Variants in CDADC1 observed in about 807,000 individuals in gnomAD.
CDADC1 encodes dCTP deaminase.
CDADC1 carries 39 observed loss-of-function variants against 54.9 expected under a neutral mutation model. That is an observed-to-expected ratio of 0.71 (90% CI 0.55 to 0.93). The LOEUF is 0.93. Among genes scored for constraint, CDADC1 ranks in the 40% least tolerant of loss-of-function variants. The pLI is 0.00. For synonymous variants in CDADC1, 186 were observed against 204.0 expected (o/e 0.91, Z 0.75); for missense variants, 518 against 618.8 (o/e 0.84, Z 1.73).
At chr13:49,250,886 C>T (rs1266778143) in intron 2 of CDADC1, among the ~76,000 whole-genome samples, 1 of 152,180 alleles carries the variant, frequency 6.6e-6, no homozygotes, top group African/African-American at 2.4e-5. Flanking sequence ...CTCATCCCCC[C>T]ACTCTGGCTC....
At chr13:49,276,164 A>T (rs1258932952) in intron 6 of CDADC1, among the ~76,000 whole-genome samples, 1 of 152,218 alleles carries the variant, frequency 6.6e-6, no homozygotes, top group Non-Finnish European at 1.5e-5. Context: ...TTCTGCATTT[A>T]AAAAATATTA....
chr13:49,283,666 CAGA>C (rs1235348210), intron 8 of CDADC1, among the ~76,000 whole-genome samples: 2 of 152,012 alleles, frequency 1.3e-5, no homozygotes, highest in African/African-American at 2.4e-5. Context: ...GCAAGAGAAG[CAGA>C]AGGAGGCAGG....
chr13:49,255,936 A>G (rs1457374146), intron 3 of CDADC1, 23 bp downstream of exon 3: 10 of 1,602,264 alleles, frequency 6.2e-6, no homozygotes, highest in Non-Finnish European at 8.5e-6. Context: ...GATTTCACAT[A>G]TATATGCTCA....
intron 4 of CDADC1, among the ~76,000 whole-genome samples, chr13:49,264,014 G>A (rs905708543): frequency 8.5e-5 from 13 of 152,100 alleles, no homozygotes; most frequent in Admixed American, 1.3e-4. Flanking sequence ...TTCTTATAAG[G>A]TCAACCACCT....
At chr13:49,283,531 A>C (rs989210881) in intron 8 of CDADC1, among the ~76,000 whole-genome samples, 2 of 152,210 alleles carry the variant, frequency 1.3e-5, no homozygotes, top group Non-Finnish European at 2.9e-5. Flanking sequence ...AAGTGACTTA[A>C]TCATAAAGAT....
At chr13:49,250,920 A>T (rs985853795) in intron 2 of CDADC1, among the ~76,000 whole-genome samples, 1 of 152,114 alleles carries the variant, frequency 6.6e-6, no homozygotes, top group Non-Finnish European at 1.5e-5. Flanking sequence ...CGGCTGAGAA[A>T]GCTCTTCATT....
At chr13:49,253,258 G>C (rs529460505) in intron 2 of CDADC1, among the ~76,000 whole-genome samples, 48 of 152,254 alleles carry the variant, frequency 3.2e-4, no homozygotes, top group African/African-American at 1.1e-3. Context: ...ATGGACAGAA[G>C]AAAAATTTTA....
Position 49,277,321 on chromosome 13 carries a change from A to G in CDADC1, c.1051-1029A>G, listed in dbSNP as rs550765132. Among the ~76,000 whole-genome samples the G allele has an allele frequency of 2.0e-3, 297 of 152,064 alleles. 1 individual carries two copies. The highest frequency in any genetic ancestry group is 6.9e-3 in the African/African-American group (286 of 41,492). ...CCCCGTTGCTACAAAAAAAGAAAAA[A>G]TTAGCCAGGCATAGTGACATACGCC... is the stretch of plus-strand genomic sequence containing the variant. On this transcript the variant is annotated intron_variant, in intron 6 of 9. Coordinates refer to ENST00000251108, the MANE Select transcript of CDADC1 (RefSeq NM_030911.4).
chr13:49,280,835 T>TA (rs201352692), intron 8 of CDADC1, 137 bp downstream of exon 8: 45 of 137,384 alleles, frequency 3.3e-4, no homozygotes, highest in African/African-American at 4.8e-4. Context: ...TTATTATTAT[T>TA]TTATTATTAT....
intron 3 of CDADC1, among the ~76,000 whole-genome samples, chr13:49,257,001 A>G (rs957675673): frequency 1.3e-5 from 2 of 152,216 alleles, no homozygotes; most frequent in African/African-American, 4.8e-5. Flanking sequence ...CCAAAATGTT[A>G]GCGAAGTGAG....
chr13:49,289,766 C>T (rs541008834), intron 9 of CDADC1, among the ~76,000 whole-genome samples: 6 of 152,278 alleles, frequency 3.9e-5, no homozygotes, highest in African/African-American at 1.4e-4. Context: ...ATGTGGTAGG[C>T]CAGGCATGGT....
intron 2 of CDADC1, among the ~76,000 whole-genome samples, chr13:49,251,408 A>G (rs1952429982): frequency 1.3e-5 from 2 of 151,978 alleles, no homozygotes; most frequent in African/African-American, 4.8e-5. Flanking sequence ...AAGAAAAAAA[A>G]AAGAAAAAAA....
intron 8 of CDADC1, among the ~76,000 whole-genome samples, chr13:49,282,804 G>A (rs1953387601): frequency 6.6e-6 from 1 of 152,220 alleles, no homozygotes; most frequent in African/African-American, 2.4e-5. Flanking sequence ...GAACCCTATT[G>A]TGAACTGCCC....
intron 6 of CDADC1, among the ~76,000 whole-genome samples, chr13:49,276,686 C>G (rs1953145034): frequency 6.6e-6 from 1 of 152,168 alleles, no homozygotes; most frequent in African/African-American, 2.4e-5. Flanking sequence ...TACTAGAATA[C>G]TAGGCTCCTC....
intron 8 of CDADC1, among the ~76,000 whole-genome samples, chr13:49,285,971 G>GC (rs2138268093): frequency 6.6e-6 from 1 of 151,990 alleles, no homozygotes; most frequent in Non-Finnish European, 1.5e-5. Flanking sequence ...GTGCCACCAC[G>GC]CCCAGCTAAT....
At chr13:49,287,895 A>T (rs1321676796) in intron 9 of CDADC1, among the ~76,000 whole-genome samples, 1 of 151,712 alleles carries the variant, frequency 6.6e-6, no homozygotes, top group African/African-American at 2.4e-5. Context: ...TCTCTTAAGC[A>T]TGAAGAGGTT....
At chr13:49,267,460 C>G in intron 4 of CDADC1, 30 bp from the exon 5 acceptor site, 1 of 1,562,830 alleles carries the variant, frequency 6.4e-7, no homozygotes, top group Non-Finnish European at 8.8e-7. Context: ...GCATGTATCT[C>G]ATAATTACCT....
At chr13:49,267,428 T>C in intron 4 of CDADC1, 62 bp from the exon 5 acceptor site, 1 of 1,347,780 alleles carries the variant, frequency 7.4e-7, no homozygotes, top group Non-Finnish European at 1.0e-6. Flanking sequence ...GGGTGGATTT[T>C]ATAATGAAAA....
In CDADC1 at chr13:49,251,386, G is replaced by A. The variant is rs138629883; in HGVS notation, c.177+2421G>A. On this transcript the variant is annotated intron_variant, in intron 2 of 9. Transcript: ENST00000251108. ...TCACGCCACTGCACTCCAGCCTGGC[G>A]ACAGAAAAAAAAAGAAAAAAAAAAG... Among the ~76,000 whole-genome samples the A allele has an allele frequency of 7.7e-3, 1,101 of 143,156 alleles. 4 individuals carry two copies. Among genetic ancestry groups the A allele is most frequent in the Admixed American group, 0.012 (175 of 14,044 alleles). The allele number at this position is 143,156 out of a possible 152,430, so 93.9% of individuals were successfully genotyped here. A position where few individuals can be genotyped will look rare whatever the true frequency, so the allele number is the denominator to read the frequency against.
Sources: gnomAD v4.1 joint callset for allele counts (sites outside exome capture counted in the v4.1 genomes callset) on GRCh38, gnomAD v4.1.1 for gene constraint, MANE v1.5 for transcripts, NCBI Gene and HGNC (gene_info 2026-07-23, HGNC 2026-07-21) for gene names.